CMIP: variants seen among roughly 807,000 people sequenced by gnomAD.
The protein encoded by CMIP is C-Maf-inducing protein.
A neutral mutation model predicts 97.3 loss-of-function variants in CMIP; 13 were observed. That is an observed-to-expected ratio of 0.13 (90% CI 0.09 to 0.21). CMIP has a LOEUF of 0.21. Ranked by LOEUF, CMIP falls within the 10% of genes least tolerant of loss-of-function variation. CMIP has a pLI of 1.00. For synonymous variants in CMIP, 538 were observed against 436.3 expected (o/e 1.23, Z -2.91); for missense variants, 847 against 1,024.9 (o/e 0.83, Z 2.37).
chr16:81,582,186 C>T (rs1034585200), intron 1 of CMIP, among the ~76,000 whole-genome samples: 3 of 152,100 alleles, frequency 2.0e-5, no homozygotes, highest in African/African-American at 7.2e-5. Context: ...TCCCACAGGC[C>T]CCTTCTCCAA....
At chr16:81,495,251 AGTGGAC>A (rs1209548477) in intron 1 of CMIP, 1 of 1,329,766 alleles carries the variant, frequency 7.5e-7, no homozygotes, top group African/African-American at 1.5e-5. Context: ...TGATGGTCAG[AGTGGAC>A]CTCTCAGCCT....
At chr16:81,533,889 C>T (rs1486047076) in intron 1 of CMIP, 1 of 152,252 alleles carries the variant, frequency 6.6e-6, no homozygotes, top group African/African-American at 2.4e-5. Flanking sequence ...AGGCAGTGAA[C>T]CTCTCCTGCC....
At chr16:81,631,601 T>G (rs1274143464) in intron 3 of CMIP, 1 of 152,272 alleles carries the variant, frequency 6.6e-6, no homozygotes, top group African/African-American at 2.4e-5. Context: ...TCAGACACCC[T>G]GAACTCTTTT....
At chr16:81,667,274 AAAGG>A (rs920949594) in intron 7 of CMIP, 1 of 152,208 alleles carries the variant, frequency 6.6e-6, no homozygotes, top group African/African-American at 2.4e-5. Flanking sequence ...ACTAGAAACA[AAAGG>A]AAGCGGTTCT....
At chr16:81,569,274 G>A (rs1282929490) in intron 1 of CMIP, among the ~76,000 whole-genome samples, 3 of 152,196 alleles carry the variant, frequency 2.0e-5, no homozygotes, top group African/African-American at 7.2e-5. Context: ...CATTCTGGGG[G>A]TTCCATTGTT....
intron 1 of CMIP, among the ~76,000 whole-genome samples, chr16:81,479,079 G>C (rs543469286): frequency 1.4e-4 from 22 of 152,322 alleles, no homozygotes; most frequent in African/African-American, 4.1e-4. Context: ...CTTTAGTTCT[G>C]CTATTGACCG....
chr16:81,472,342 C>G (rs898378547), intron 1 of CMIP, among the ~76,000 whole-genome samples: 1 of 152,192 alleles, frequency 6.6e-6, no homozygotes, highest in African/African-American at 2.4e-5. Context: ...GCTCAGAACC[C>G]CAGAAGTGCT....
At chr16:81,596,666 C>T (rs773709534) in intron 1 of CMIP, among the ~76,000 whole-genome samples, 3 of 152,168 alleles carry the variant, frequency 2.0e-5, no homozygotes, top group Non-Finnish European at 4.4e-5. Flanking sequence ...CCAGAAGCTC[C>T]TATTTGCCTT....
chr16:81,702,970 C>G (rs1352218229), intron 17 of CMIP, among the ~76,000 whole-genome samples: 1 of 152,018 alleles, frequency 6.6e-6, no homozygotes, highest in East Asian at 1.9e-4. Flanking sequence ...GTGTCAGATG[C>G]TCTTCTATTA....
At chr16:81,477,713 G>A (rs996499861) in intron 1 of CMIP, among the ~76,000 whole-genome samples, 7 of 152,318 alleles carry the variant, frequency 4.6e-5, no homozygotes, top group African/African-American at 1.7e-4. Flanking sequence ...GTCGTGTGAG[G>A]GTTGCCGTGG....
chr16:81,670,870 C>T (rs912582620), intron 8 of CMIP, among the ~76,000 whole-genome samples: 1 of 152,038 alleles, frequency 6.6e-6, no homozygotes, highest in Non-Finnish European at 1.5e-5. Flanking sequence ...GCTCTGTCAC[C>T]CAGGCTGGAG....
chr16:81,678,753 G>GTGAGTGCA (rs1304817468), intron 10 of CMIP, 125 bp downstream of exon 10: 1 of 604,356 alleles, frequency 1.7e-6, no homozygotes, highest in African/African-American at 1.9e-5. Context: ...TGGCTTGTGT[G>GTGAGTGCA]TGAGTGCACA....
At chr16:81,445,574 C>G (rs574144922) in intron 1 of CMIP, 33 bp downstream of exon 1, 4 of 1,530,636 alleles carry the variant, frequency 2.6e-6, no homozygotes, top group Non-Finnish European at 2.6e-6. Context: ...ACCCCCGCCT[C>G]TCCTCGGGGC....
At chr16:81,626,543 G>C (rs1278972485) in intron 3 of CMIP, among the ~76,000 whole-genome samples, 10 of 147,860 alleles carry the variant, frequency 6.8e-5, no homozygotes, top group Non-Finnish European at 1.5e-4. Flanking sequence ...GTGACTATGG[G>C]TGTGCATGTG....
intron 9 of CMIP, among the ~76,000 whole-genome samples, chr16:81,674,531 C>T (rs1430568674): frequency 6.6e-6 from 1 of 152,168 alleles, no homozygotes; most frequent in Non-Finnish European, 1.5e-5. Context: ...ATATTGATAG[C>T]TTGAAGTAGC....
intron 1 of CMIP, among the ~76,000 whole-genome samples, chr16:81,496,367 G>T (rs2089491116): frequency 6.6e-6 from 1 of 152,186 alleles, no homozygotes; most frequent in South Asian, 2.1e-4. Context: ...GCGATGGATG[G>T]GAAACAAGGA....
chr16:81,495,266 C>G, intron 1 of CMIP: 1 of 1,397,120 alleles, frequency 7.2e-7, no homozygotes. Context: ...ACCTCTCAGC[C>G]TGGGGGAAGC....
chr16:81,454,382 C>T (rs1173024066), intron 1 of CMIP, among the ~76,000 whole-genome samples: 1 of 152,202 alleles, frequency 6.6e-6, no homozygotes, highest in African/African-American at 2.4e-5. Flanking sequence ...GTGGGTCCAT[C>T]AATGTATATG....
At chr16:81,662,194 T>G (rs1326838860) in intron 6 of CMIP, among the ~76,000 whole-genome samples, 2 of 152,136 alleles carry the variant, frequency 1.3e-5, no homozygotes, top group African/African-American at 2.4e-5. Context: ...CCTGTCCAAT[T>G]TAACCCAAAC....
Sources: allele counts gnomAD v4.1 joint callset (sites outside exome capture counted in the v4.1 genomes callset), GRCh38; gene constraint gnomAD v4.1.1; transcripts MANE v1.5; gene names NCBI Gene and HGNC (gene_info 2026-07-23, HGNC 2026-07-21).